Variants in ADAMTS10 observed in about 807,000 individuals in gnomAD.
ADAMTS10 encodes ADAM metallopeptidase with thrombospondin type 1 motif 10, also known as A disintegrin and metalloproteinase with thrombospondin motifs 10.
Under a neutral mutation model 135.9 loss-of-function variants are expected in ADAMTS10, and 48 were observed. That is an observed-to-expected ratio of 0.35 (90% CI 0.28 to 0.45). The LOEUF (loss-of-function observed/expected upper bound fraction) is 0.45. Ranked by LOEUF, ADAMTS10 falls within the 20% of genes least tolerant of loss-of-function variation. The pLI is 1.00. For synonymous variants in ADAMTS10, 621 were observed against 647.5 expected (o/e 0.96, Z 0.62); for missense variants, 1,131 against 1,565.2 (o/e 0.72, Z 4.68).
chr19:8,581,704 G>A (rs1198569905), intron 25 of ADAMTS10, among the ~76,000 whole-genome samples: 1 of 151,468 alleles, frequency 6.6e-6, no homozygotes, highest in East Asian at 1.9e-4. Flanking sequence ...GCGTGGTGGC[G>A]GGTGCCTGTA....
In ADAMTS10 at chr19:8,605,685, C is replaced by G; in HGVS notation, c.26G>C (p.Arg9Pro). 1 of 1,612,278 alleles carries G rather than the reference C, an allele frequency of 6.2e-7. No homozygotes were observed. The highest frequency in any genetic ancestry group is 8.5e-7 in the Non-Finnish European group (1 of 1,179,712). Residue 9 changes from arginine to proline, a missense_variant, in exon 3 of 26, where the codon CGC (arginine) becomes CCC (proline). Around this residue, in one of 3 missense-constraint regions of ADAMTS10, gnomAD observed 306 missense variants for 344.4 expected, o/e 0.89. Transcript: ENST00000597188. The surrounding 1 kb of genome is among the most constrained non-coding windows in gnomAD (Gnocchi z 7.7). ...GCCCAGCCCCAGGGCGAGGGCCCAGCGGAGGATCTGGCAGGCGGGAGCCAT... is the reference window on the plus strand; with the variant it reads ...GCCCAGCCCCAGGGCGAGGGCCCAGGGGAGGATCTGGCAGGCGGGAGCCAT... The part of the protein sequence containing the change: MAPACQIL[R>P]WALALGLGLM...
chr19:8,599,637 G>A (rs986030656), intron 6 of ADAMTS10, among the ~76,000 whole-genome samples: 4 of 151,774 alleles, frequency 2.6e-5, no homozygotes, highest in African/African-American at 9.7e-5. Flanking sequence ...AGCCTACTGC[G>A]ATTTATTTAT....
chr19:8,595,049 G>A (rs1280738075), intron 12 of ADAMTS10, among the ~76,000 whole-genome samples: 1 of 152,202 alleles, frequency 6.6e-6, no homozygotes, highest in African/African-American at 2.4e-5. Flanking sequence ...GTGATAGTGT[G>A]AAGAACTGGG....
intron 6 of ADAMTS10, among the ~76,000 whole-genome samples, chr19:8,598,939 C>T (rs2042634903): frequency 6.6e-6 from 1 of 152,022 alleles, no homozygotes; most frequent in Non-Finnish European, 1.5e-5. Context: ...AACTGAGGGC[C>T]ATCAGAGACG....
Position 8,586,243 on chromosome 19 carries a change from C to T in ADAMTS10, c.2539G>A (p.Val847Met). The change falls in exon 22 of 26, where the codon GTG (valine) becomes ATG (methionine). Residue 847 changes from valine to methionine, a missense_variant. Coordinates refer to ENST00000597188, the MANE Select transcript of ADAMTS10 (RefSeq NM_030957.4). ...CSAQCAGGSQ[V>M]QAVECRNQLD... is the part of the protein sequence containing the mutation. Reference sequence around the variant, plus strand: ...TGGTTGCGGCACTCCACCGCCTGCACCTGGCTACCTGGAGGGGAGGGTGAG... The same window carrying T: ...TGGTTGCGGCACTCCACCGCCTGCATCTGGCTACCTGGAGGGGAGGGTGAG... 1.2e-6 allele frequency: 2 copies of T among 1,613,202 alleles called. No homozygotes were observed. The highest frequency in any genetic ancestry group is 1.7e-6 in the Non-Finnish European group (2 of 1,179,848).
chr19:8,586,295 GA>G (rs1555737144), intron 21 of ADAMTS10, 44 bp from the exon 22 acceptor site: 1 of 1,613,374 alleles, frequency 6.2e-7, no homozygotes, highest in Non-Finnish European at 8.5e-7. Context: ...TCCCGGCCCA[GA>G]GAACCTCAGC....
intron 13 of ADAMTS10, 79 bp downstream of exon 13, chr19:8,592,684 G>A: frequency 1.4e-6 from 2 of 1,395,212 alleles, no homozygotes; most frequent in Non-Finnish European, 2.0e-6. Flanking sequence ...ATAGGCCGAA[G>A]GACAGGCGGG....
chr19:8,593,815 G>A (rs1230756688), intron 12 of ADAMTS10, among the ~76,000 whole-genome samples: 1 of 152,110 alleles, frequency 6.6e-6, no homozygotes, highest in Non-Finnish European at 1.5e-5. Flanking sequence ...AGAAGTAGGT[G>A]GTCCTTCTGT....
Position 8,586,620 on chromosome 19 carries a change from C to T in ADAMTS10, c.2341G>A (p.Gly781Arg), listed in dbSNP as rs1434787474. 2 of 1,613,904 alleles carry T rather than the reference C, an allele frequency of 1.2e-6. No individual in the cohort carries two copies. The highest frequency in any genetic ancestry group is 1.3e-5 in the African/African-American group (1 of 74,896). ...LAGTTFQLRQGPDQVQSLEAL... is the reference protein window; with the variant it reads ...LAGTTFQLRQRPDQVQSLEAL... ...TCGAGGCTCTGGACCTGGTCTGGCC[C>T]CTGTCGCAGTTGAAAGGTGGTCCCA... The change falls in exon 20 of 26, where the codon GGG becomes AGG. Residue 781 changes from glycine (G) to arginine (R), a missense_variant. Physicochemically the swap from Gly to Arg is moderately radical, Grantham distance 125. Coordinates refer to ENST00000597188, the MANE Select transcript of ADAMTS10 (RefSeq NM_030957.4).
At chr19:8,591,236 T>C (rs1362411740) in intron 15 of ADAMTS10, among the ~76,000 whole-genome samples, 2 of 150,830 alleles carry the variant, frequency 1.3e-5, no homozygotes, top group African/African-American at 4.9e-5. Flanking sequence ...TAGGGGGTTG[T>C]GAGGGCCAAG....
intron 25 of ADAMTS10, among the ~76,000 whole-genome samples, chr19:8,584,154 CAAAAAAA>C (rs34412373): frequency 6.5e-4 from 29 of 44,870 alleles, no homozygotes; most frequent in African/African-American, 2.2e-3. Context: ...GACTCCATCT[CAAAAAAA>C]AAAAAAAAAA....
intron 6 of ADAMTS10, among the ~76,000 whole-genome samples, chr19:8,600,530 G>A (rs1364881784): frequency 2.5e-5 from 3 of 120,612 alleles, no homozygotes; most frequent in Admixed American, 9.9e-5. Flanking sequence ...ACAGAGTCTT[G>A]CTCTGTCGCC....
chr19:8,600,562 G>T (rs1309921634), intron 6 of ADAMTS10, among the ~76,000 whole-genome samples: 2 of 144,202 alleles, frequency 1.4e-5, no homozygotes, highest in African/African-American at 5.2e-5. Flanking sequence ...GCAGTGGCGT[G>T]ATCTTGGCTC....
Position 8,597,033 on chromosome 19 carries a change from G to C in ADAMTS10, c.994C>G (p.Pro332Ala). Residue 332 changes from proline to alanine, a missense_variant, in exon 8 of 26, where the codon CCA becomes GCA. Transcript: ENST00000597188. ...TCATGGTTAGCCACACCGTTCTCTG[G>C]AATGGCATTGCCATGGCCGCTGTGG... ...VNHSGHGNAI[P>A]ENGVANHDTA... is the part of the protein sequence containing the mutation. The C allele has an allele frequency of 6.2e-7, 1 of 1,614,126 alleles. No homozygotes were observed. Among genetic ancestry groups the C allele is most frequent in the African/African-American group, 1.3e-5 (1 of 75,036 alleles).
intron 12 of ADAMTS10, among the ~76,000 whole-genome samples, chr19:8,595,245 C>G (rs782170465): frequency 3.9e-5 from 6 of 152,084 alleles, no homozygotes; most frequent in Non-Finnish European, 8.8e-5. Context: ...ATGCCCTTCT[C>G]TATGCACGAA....
rs138970947 is a variant in ADAMTS10 at position 8,605,169 on chromosome 19, C to T, written c.278G>A (p.Arg93His). 7.8e-5 allele frequency: 126 copies of T among 1,614,022 alleles called. 1 individual carries two copies. The highest frequency in any genetic ancestry group is 7.2e-4 in the African/African-American group (54 of 75,050). Residue 93 changes from arginine (R) to histidine (H), a missense_variant, in exon 4 of 26, where the codon CGC becomes CAC. Physicochemically the swap from Arg to His is conservative, Grantham distance 29. Coordinates refer to ENST00000597188, the MANE Select transcript of ADAMTS10 (RefSeq NM_030957.4). This position sits in a 1 kb window ranked among gnomAD's most constrained non-coding sequence, Gnocchi z 7.7. ...PSTHFLLNLT[R>H]SSRLLAGHVS... ...GTGCCCTGCCAGTAGACGGGAGCTGCGGGTCAGGTTCAGCAGGAAGTGGGT... is the reference window on the plus strand; with the variant it reads ...GTGCCCTGCCAGTAGACGGGAGCTGTGGGTCAGGTTCAGCAGGAAGTGGGT...
rs782071466 is a variant in ADAMTS10 at position 8,586,619 on chromosome 19, C to T, written c.2342G>A (p.Gly781Glu). 2 of 1,614,014 alleles carry T rather than the reference C, an allele frequency of 1.2e-6. No individual in the cohort carries two copies. The highest frequency in any genetic ancestry group is 2.2e-5 in the East Asian group (1 of 44,872). Reference sequence around the variant, plus strand: ...TTCGAGGCTCTGGACCTGGTCTGGCCCCTGTCGCAGTTGAAAGGTGGTCCC... The same window carrying T: ...TTCGAGGCTCTGGACCTGGTCTGGCTCCTGTCGCAGTTGAAAGGTGGTCCC... ...LAGTTFQLRQ[G>E]PDQVQSLEAL... The change falls in exon 20 of 26, where the codon GGG becomes GAG. Residue 781 changes from glycine to glutamate, a missense_variant. By Grantham distance (98) the Gly-to-Glu change is moderately conservative (BLOSUM62 -2). Coordinates refer to ENST00000597188, the MANE Select transcript of ADAMTS10 (RefSeq NM_030957.4).
Position 8,600,785 on chromosome 19 carries a change from A to C in ADAMTS10, c.810+143T>G. ...AGTGCTGGGATTACAGGTGTGAGCCACCGCGCCCGGCCTGCAACCTTCCTT... is the reference window on the plus strand; with the variant it reads ...AGTGCTGGGATTACAGGTGTGAGCCCCCGCGCCCGGCCTGCAACCTTCCTT... On this transcript the variant is annotated intron_variant, in intron 6 of 25. Transcript: ENST00000597188. The C allele has an allele frequency of 2.9e-6, 3 of 1,022,310 alleles. No individual in the cohort carries two copies. In the South Asian group the frequency reaches 4.2e-5, roughly 14 times the overall value. 63.3% of individuals were successfully genotyped at this position (1,022,310 alleles called of 1,614,324 possible).
intron 22 of ADAMTS10, 108 bp downstream of exon 22, chr19:8,586,014 C>G (rs2042423203): frequency 6.4e-7 from 1 of 1,566,586 alleles, no homozygotes; most frequent in Admixed American, 1.7e-5. Context: ...CCCACTGTCA[C>G]TCCGACTCTG....
Sources: gnomAD v4.1 joint callset for allele counts (sites outside exome capture counted in the v4.1 genomes callset) on GRCh38, gnomAD v4.1.1 for gene constraint, gnomAD v4.1.1 regional missense constraint, Gnocchi (gnomAD v3.1) non-coding constraint, MANE v1.5 for transcripts, NCBI Gene and HGNC (gene_info 2026-07-23, HGNC 2026-07-21) for gene names.